Variants in NBAS observed in about 807,000 individuals in gnomAD.
NBAS encodes NAG/BC035112 fusion.
Under a neutral mutation model 302.5 loss-of-function variants are expected in NBAS, and 219 were observed. The observed-to-expected ratio is 0.72, with a 90% CI of 0.65 to 0.81. The LOEUF is 0.81. Among genes scored for constraint, NBAS ranks in the 30% least tolerant of loss-of-function variants. The pLI is 0.00. For missense variants in NBAS, 2,932 were observed against 2,841.6 expected, an observed-to-expected ratio of 1.03 and a Z score of -0.72; for synonymous variants, 1,118 against 1,021.6, an observed-to-expected ratio of 1.09 and a Z score of -1.80.
At chr2:15,019,962 A>G in the NBAS span, among the ~76,000 whole-genome samples, 3 of 152,132 alleles carry the variant, frequency 2.0e-5, no homozygotes, top group Admixed American at 2.0e-4. Flanking sequence ...TAGCAGCCCA[A>G]CCTGACTAAG....
chr2:14,848,760 T>TCCCTGAC, the NBAS span, among the ~76,000 whole-genome samples: 1,034 of 151,402 alleles, frequency 6.8e-3, 13 homozygotes, highest in African/African-American at 0.024. Flanking sequence ...CTCAAGTGGG[T>TCCCTGAC]CCCTGACCCC....
the NBAS span, among the ~76,000 whole-genome samples, chr2:15,119,428 C>G: frequency 6.6e-6 from 1 of 151,660 alleles, no homozygotes; most frequent in Non-Finnish European, 1.5e-5. Flanking sequence ...CCTGCCTCAG[C>G]CTCCCAAGTT....
chr2:15,207,316 C>G (rs1440236875), intron 48 of NBAS, among the ~76,000 whole-genome samples: 1 of 152,146 alleles, frequency 6.6e-6, no homozygotes, highest in Non-Finnish European at 1.5e-5. Flanking sequence ...GGGCATTTAC[C>G]CAATGTCTGT....
rs148191246 is a variant in NBAS at position 15,357,484 on chromosome 2, T to C, written c.3818-1068A>G. 1.3e-3 allele frequency among the ~76,000 whole-genome samples: 204 copies of C among 152,316 alleles called. 2 individuals carry two copies. The highest frequency in any genetic ancestry group is 0.011 in the Admixed American group (166 of 15,300). On this transcript the variant is annotated intron_variant, in intron 32 of 51. Transcript: ENST00000281513. The stretch of plus-strand genomic sequence containing the variant: ...TTCTCTCTCTTACTGCAAAATTCCA[T>C]TGCAGTAGTCCCTGTACCTATAGTG...
In NBAS at chr2:15,307,308, G is replaced by T. The variant is rs78749992; in HGVS notation, c.4797+908C>A. ...AGTGATGGCGAGATATGAAAGGTGG[G>T]ATAGAATTGAACAATTTTCTCCTAA... On this transcript the variant is annotated intron_variant, in intron 40 of 51. Coordinates refer to ENST00000281513, the MANE Select transcript of NBAS (RefSeq NM_015909.4). 2.6e-4 allele frequency among the ~76,000 whole-genome samples: 40 copies of T among 152,302 alleles called. No individual in the cohort carries two copies. The East Asian group carries it at 6.4e-3, about 24-fold the overall frequency.
At chr2:15,024,056 T>C in the NBAS span, among the ~76,000 whole-genome samples, 1 of 152,126 alleles carries the variant, frequency 6.6e-6, no homozygotes, top group African/African-American at 2.4e-5. Context: ...GGCATACAGA[T>C]TATTTTGTCA....
At chr2:15,454,639 C>T (rs1485889730) in intron 21 of NBAS, among the ~76,000 whole-genome samples, 1 of 152,144 alleles carries the variant, frequency 6.6e-6, no homozygotes. Flanking sequence ...TGCCGGATTC[C>T]GTGTGCATGT....
rs142411110 is a variant in NBAS, at chr2:15,522,558, T to C, written c.747-11208A>G. ...TTCTGGGATACAGACTTCAAAGATA[T>C]TACATATGCATTCAAGTGGTTAAAA... is the stretch of plus-strand genomic sequence containing the variant. On this transcript the variant is annotated intron_variant, in intron 9 of 51. Coordinates refer to ENST00000281513, the MANE Select transcript of NBAS (RefSeq NM_015909.4). 1.5e-3 allele frequency among the ~76,000 whole-genome samples: 223 copies of C among 152,248 alleles called. 2 individuals are homozygous for C. Among genetic ancestry groups the C allele is most frequent in the African/African-American group, 5.0e-3 (206 of 41,544 alleles).
At chr2:15,493,631 C>A (rs1430323605) in intron 11 of NBAS, among the ~76,000 whole-genome samples, 1 of 150,348 alleles carries the variant, frequency 6.7e-6, no homozygotes, top group Admixed American at 6.6e-5. Context: ...CACGCCATTG[C>A]ACTGCAGCCT....
At chr2:15,453,888 C>T (rs1679132310) in intron 21 of NBAS, among the ~76,000 whole-genome samples, 1 of 152,064 alleles carries the variant, frequency 6.6e-6, no homozygotes. Context: ...AAGCGATTCT[C>T]CTGCCTCAGC....
the NBAS span, among the ~76,000 whole-genome samples, chr2:15,139,023 T>G: frequency 6.6e-6 from 1 of 152,188 alleles, no homozygotes; most frequent in Non-Finnish European, 1.5e-5. Context: ...TGTTTGTTCT[T>G]GGAGGGCAGG....
At chr2:15,041,928 T>C in the NBAS span, among the ~76,000 whole-genome samples, 2 of 152,216 alleles carry the variant, frequency 1.3e-5, no homozygotes, top group Non-Finnish European at 2.9e-5. Flanking sequence ...AGAGCACACG[T>C]TCCCAAGTAG....
At chr2:15,070,473 C>T in the NBAS span, among the ~76,000 whole-genome samples, 1 of 152,162 alleles carries the variant, frequency 6.6e-6, no homozygotes, top group Non-Finnish European at 1.5e-5. Context: ...ATATCTGCCT[C>T]CATTTCTCAG....
the NBAS span, among the ~76,000 whole-genome samples, chr2:15,035,652 T>C: frequency 3.9e-3 from 599 of 152,332 alleles, 9 homozygotes; most frequent in African/African-American, 0.014. Flanking sequence ...TGGAATACTA[T>C]GCAGCCATAA....
chr2:15,203,528 A>G lies in NBAS; in HGVS notation c.6433-13125T>C, dbSNP rs931456925. On this transcript the variant is annotated intron_variant, in intron 48 of 51. Transcript: ENST00000281513. Reference sequence around the variant, plus strand: ...AAATTATGCAGGGAGACTTTAGGGTAACAGAAGAAACTGGCAACCAATGAA... The same window carrying G: ...AAATTATGCAGGGAGACTTTAGGGTGACAGAAGAAACTGGCAACCAATGAA... 2.8e-4 allele frequency among the ~76,000 whole-genome samples: 42 copies of G among 152,200 alleles called. 2 individuals carry two copies. Among genetic ancestry groups the G allele is most frequent in the Non-Finnish European group, 1.5e-5 (1 of 68,024 alleles).
At chr2:14,959,808 C>T in the NBAS span, among the ~76,000 whole-genome samples, 25 of 152,302 alleles carry the variant, frequency 1.6e-4, no homozygotes, top group East Asian at 3.5e-3. Flanking sequence ...ACAATATTCC[C>T]TGAGAAGCAT....
At chr2:15,041,424 T>C in the NBAS span, among the ~76,000 whole-genome samples, 3 of 152,208 alleles carry the variant, frequency 2.0e-5, no homozygotes, top group African/African-American at 7.2e-5. Flanking sequence ...GAAAAACCAT[T>C]ACAAGAGAAA....
At chr2:15,255,193 G>C (rs1477438967) in intron 44 of NBAS, among the ~76,000 whole-genome samples, 6 of 152,102 alleles carry the variant, frequency 3.9e-5, no homozygotes, top group Non-Finnish European at 8.8e-5. Flanking sequence ...GCAGTGTAAA[G>C]ATGTTCCCTT....
Position 15,551,509 on chromosome 2 carries a change from A to G in NBAS, c.363T>C (p.Ile121=). The G allele has an allele frequency of 6.2e-7, 1 of 1,609,438 alleles. No individual in the cohort carries two copies. The highest frequency in any genetic ancestry group is 8.5e-7 in the Non-Finnish European group (1 of 1,177,182). ...IRSAKDDFTS[I]IGKCQVPKDP... ...AACTCTTACCTTGACATTTCCCAAT[A>G]ATGGATGTAAAATCATCTTTTGCAG... Residue 121 remains isoleucine (I), a synonymous_variant, in exon 6 of 52, where the codon ATT becomes ATC. Transcript: ENST00000281513.
Sources: gnomAD v4.1 joint callset for allele counts (sites outside exome capture counted in the v4.1 genomes callset) on GRCh38, gnomAD v4.1.1 for gene constraint, MANE v1.5 for transcripts, NCBI Gene and HGNC (gene_info 2026-07-23, HGNC 2026-07-21) for gene names.